Variants in RASGEF1C observed in about 807,000 individuals in gnomAD.
RASGEF1C encodes ras-GEF domain-containing family member 1C.
Under a neutral mutation model 58.1 loss-of-function variants are expected in RASGEF1C, and 27 were observed. The ratio of observed to expected loss-of-function variants is 0.46; its 90% CI spans 0.34 to 0.64. The LOEUF is 0.64. Ranked by LOEUF, RASGEF1C falls within the 30% of genes least tolerant of loss-of-function variation. The pLI, the probability that RASGEF1C is intolerant of heterozygous loss-of-function variation, is 0.01. For missense variants in RASGEF1C, 502 were observed against 605.1 expected, an observed-to-expected ratio of 0.83 and a Z score of 1.79; for synonymous variants, 243 against 246.3, an observed-to-expected ratio of 0.99 and a Z score of 0.13.
chr5:180,117,561 G>A (rs1766089778), intron 10 of RASGEF1C, among the ~76,000 whole-genome samples: 1 of 152,184 alleles, frequency 6.6e-6, no homozygotes, highest in Non-Finnish European at 1.5e-5. Flanking sequence ...CATCAGGATG[G>A]TAACAGGTTT....
Position 180,114,451 on chromosome 5 carries a change from A to G in RASGEF1C, c.1174T>C (p.Phe392Leu). The change falls in exon 11 of 14, where the codon TTT becomes CTT. Residue 392 changes from phenylalanine to leucine, a missense_variant. Coordinates refer to ENST00000361132, the MANE Select transcript of RASGEF1C (RefSeq NM_175062.4). ...ANRLPNGHVN[F>L]EKFLELAKQV... ...GGTCCACACGGAGGTCCTACCTCAA[A>G]GTTGACGTGTCCATTGGGAAGGCGG... 6.2e-7 allele frequency: 1 copy of G among 1,612,342 alleles called. No individual in the cohort carries two copies. Among genetic ancestry groups the G allele is most frequent in the Non-Finnish European group, 8.5e-7 (1 of 1,178,888 alleles).
intron 10 of RASGEF1C, among the ~76,000 whole-genome samples, chr5:180,116,574 C>T (rs896879977): frequency 5.9e-5 from 9 of 152,236 alleles, no homozygotes; most frequent in African/African-American, 2.2e-4. Flanking sequence ...AGCTGTAAGC[C>T]GCCCGCCTAC....
intron 12 of RASGEF1C, among the ~76,000 whole-genome samples, chr5:180,109,222 T>C (rs897109827): frequency 9.2e-5 from 14 of 152,118 alleles, no homozygotes; most frequent in Admixed American, 1.3e-4. Flanking sequence ...TTTGGGAGGC[T>C]GAGGCGGGTG....
intron 12 of RASGEF1C, among the ~76,000 whole-genome samples, chr5:180,104,622 T>C (rs1765846044): frequency 6.6e-6 from 1 of 152,242 alleles, no homozygotes; most frequent in African/African-American, 2.4e-5. Context: ...GGCTCCCTCC[T>C]CTGCCACTTT....
At position 180,168,881 on chromosome 5, in the gene RASGEF1C, G is replaced by A. The variant is rs1767059322; in HGVS notation, c.-6-30823C>T. Among the ~76,000 whole-genome samples the A allele has an allele frequency of 6.6e-6, 1 of 152,230 alleles. No homozygotes were observed. The highest frequency in any genetic ancestry group is 6.5e-5 in the Admixed American group (1 of 15,278). On this transcript the variant is annotated intron_variant, in intron 1 of 13. Coordinates refer to ENST00000361132, the MANE Select transcript of RASGEF1C (RefSeq NM_175062.4). This position sits in a 1 kb window ranked among gnomAD's most constrained non-coding sequence, Gnocchi z 6.0. ...CAGAGGGTTTCTCCTGGAGTTCACT[G>A]TCAGTGCTGATGTCCGTCCAGGTTC... is the stretch of plus-strand genomic sequence containing the variant.
At chr5:180,160,194 G>T (rs1204502599) in intron 1 of RASGEF1C, among the ~76,000 whole-genome samples, 1 of 152,126 alleles carries the variant, frequency 6.6e-6, no homozygotes. Flanking sequence ...ACTCAGTAGA[G>T]CGCCCCTCCC....
chr5:180,154,197 A>G (rs1268278634), intron 1 of RASGEF1C, among the ~76,000 whole-genome samples: 3 of 152,112 alleles, frequency 2.0e-5, no homozygotes, highest in African/African-American at 7.2e-5. Context: ...CTGGAGCCTC[A>G]GCTGGCCCCG....
chr5:180,172,066 AAT>A (rs1767116553), intron 1 of RASGEF1C, among the ~76,000 whole-genome samples: 1 of 152,240 alleles, frequency 6.6e-6, no homozygotes, highest in African/African-American at 2.4e-5. Flanking sequence ...TAGGAATAAA[AAT>A]AGTGTTTAAA....
intron 1 of RASGEF1C, among the ~76,000 whole-genome samples, chr5:180,205,216 A>C (rs1581134309): frequency 6.6e-6 from 1 of 151,144 alleles, no homozygotes; most frequent in African/African-American, 2.4e-5. Context: ...AAATAAAAAC[A>C]AAAAAAAAGA....
intron 1 of RASGEF1C, among the ~76,000 whole-genome samples, chr5:180,141,797 C>T (rs1255224406): frequency 6.6e-6 from 1 of 151,466 alleles, no homozygotes; most frequent in Non-Finnish European, 1.5e-5. Flanking sequence ...GCAGTCTCCA[C>T]CTCCCAGGTT....
At chr5:180,183,470 C>A (rs368463070) in intron 1 of RASGEF1C, among the ~76,000 whole-genome samples, 30 of 132,290 alleles carry the variant, frequency 2.3e-4, no homozygotes, top group African/African-American at 3.2e-4. Context: ...TAAAAAAAAA[C>A]CCAATTAATT....
chr5:180,170,813 C>T (rs980161293), intron 1 of RASGEF1C, among the ~76,000 whole-genome samples: 3 of 152,224 alleles, frequency 2.0e-5, no homozygotes, highest in African/African-American at 7.2e-5. Context: ...TGGCATACCC[C>T]GGTCCTGCTC....
chr5:180,111,548 C>G lies in RASGEF1C; in HGVS notation c.1212G>C (p.Glu404Asp), dbSNP rs577008494. The G allele has an allele frequency of 1.2e-6, 2 of 1,614,026 alleles. No homozygotes were observed. The highest frequency in any genetic ancestry group is 1.3e-5 in the African/African-American group (1 of 74,934). ...ACTCCACTTGTTTCCAGGTGATGAACTCCCCCACCTGCTTGGCCAGCTCCA... is the reference window on the plus strand; with the variant it reads ...ACTCCACTTGTTTCCAGGTGATGAAGTCCCCCACCTGCTTGGCCAGCTCCA... Reference protein sequence around the residue: ...KFLELAKQVGEFITWKQVECP... With the variant: ...KFLELAKQVGDFITWKQVECP... Residue 404 changes from glutamate to aspartate, a missense_variant, in exon 12 of 14, where the codon GAG (glutamate) becomes GAC (aspartate). Transcript: ENST00000361132.
At chr5:180,171,095 C>T (rs368939588) in intron 1 of RASGEF1C, among the ~76,000 whole-genome samples, 4 of 152,180 alleles carry the variant, frequency 2.6e-5, no homozygotes, top group Non-Finnish European at 5.9e-5. Flanking sequence ...CAGGCACCCC[C>T]ATCCAGGCAT....
chr5:180,157,042 AG>A (rs1766862662), intron 1 of RASGEF1C, among the ~76,000 whole-genome samples: 1 of 152,240 alleles, frequency 6.6e-6, no homozygotes, highest in African/African-American at 2.4e-5. Context: ...GGGGAGCAGC[AG>A]GAATTCTCAT....
At chr5:180,159,656 G>A (rs891883924) in intron 1 of RASGEF1C, among the ~76,000 whole-genome samples, 1 of 152,216 alleles carries the variant, frequency 6.6e-6, no homozygotes, top group Non-Finnish European at 1.5e-5. Flanking sequence ...GGGAGATCTA[G>A]GTAGGCCATT....
chr5:180,113,627 TCCGGGGATGGACGGAGTGA>T (rs1766009839), intron 11 of RASGEF1C, among the ~76,000 whole-genome samples: 2 of 43,398 alleles, frequency 4.6e-5, no homozygotes, highest in East Asian at 8.5e-4. Flanking sequence ...GACGGAGGGA[TCCGGGGATGGACGGAGTGA>T]CCGGGGATGG....
chr5:180,150,225 G>A (rs1766725150), intron 1 of RASGEF1C, among the ~76,000 whole-genome samples: 1 of 151,964 alleles, frequency 6.6e-6, no homozygotes, highest in Non-Finnish European at 1.5e-5. Context: ...TTTATTTTTG[G>A]TTCCTTTGTA....
intron 12 of RASGEF1C, among the ~76,000 whole-genome samples, chr5:180,103,151 C>T (rs1278425463): frequency 1.3e-5 from 2 of 152,204 alleles, no homozygotes; most frequent in African/African-American, 4.8e-5. Flanking sequence ...GATCTCGGCT[C>T]ACTGCAAGCT....
Sources: allele counts gnomAD v4.1 joint callset (sites outside exome capture counted in the v4.1 genomes callset), GRCh38; gene constraint gnomAD v4.1.1; non-coding constraint Gnocchi (gnomAD v3.1); transcripts MANE v1.5; gene names NCBI Gene and HGNC (gene_info 2026-07-23, HGNC 2026-07-21).